The following EPG5 variants were observed in gnomAD, a reference collection of about 807,000 sequenced individuals.
EPG5 encodes ectopic P-granules 5 autophagy tethering factor, also known as ectopic P granules protein 5 homolog.
A neutral mutation model predicts 302.7 loss-of-function variants in EPG5; 159 were observed. The ratio of observed to expected loss-of-function variants is 0.53; its 90% CI spans 0.46 to 0.60. The LOEUF (loss-of-function observed/expected upper bound fraction) is 0.60. EPG5 is among the 20% of genes least tolerant of loss of function. The probability of loss-of-function intolerance (pLI) is 0.00; values close to 1 mark genes in which losing one functional copy is unlikely to be tolerated. For synonymous variants in EPG5, 1,158 were observed against 1,136.8 expected (o/e 1.02, Z -0.37); for missense variants, 2,896 against 3,092.4 (o/e 0.94, Z 1.51).
intron 24 of EPG5, among the ~76,000 whole-genome samples, chr18:45,906,523 C>T (rs2049755338): frequency 6.6e-6 from 1 of 152,140 alleles, no homozygotes; most frequent in South Asian, 2.1e-4. Context: ...TAACACCATG[C>T]CTTTCCTTTC....
intron 28 of EPG5, 57 bp downstream of exon 28, chr18:45,889,741 G>C: frequency 1.3e-6 from 2 of 1,494,270 alleles, no homozygotes; most frequent in Non-Finnish European, 1.8e-6. Context: ...TAGCATGTAT[G>C]ATTACTATTC....
At chr18:45,875,155 A>C (rs2048943949) in intron 35 of EPG5, among the ~76,000 whole-genome samples, 1 of 152,200 alleles carries the variant, frequency 6.6e-6, no homozygotes, top group Non-Finnish European at 1.5e-5. Flanking sequence ...TCCAATTGAC[A>C]ACAAATGTAG....
chr18:45,888,014 C>T, intron 28 of EPG5, 107 bp from the exon 29 acceptor site: 1 of 818,296 alleles, frequency 1.2e-6, no homozygotes, highest in Non-Finnish European at 1.8e-6. Flanking sequence ...TAAGAATCCT[C>T]AGAGCACCCA....
Position 45,855,620 on chromosome 18 carries a change from G to A in EPG5, c.7510C>T (p.Arg2504Cys), listed in dbSNP as rs921463655. Residue 2504 changes from arginine to cysteine, a missense_variant, in exon 43 of 44, where the codon CGT becomes TGT. Coordinates refer to ENST00000282041, the MANE Select transcript of EPG5 (RefSeq NM_020964.3). ...TGTAATTCAGAGCCAGGCCTCAAAC[G>A]GATCTGATCTTCCATAGGAACCTGA... ...SVQVPMEDQI[R>C]LRPGSELHLT... 15 of 1,614,034 alleles carry A rather than the reference G, an allele frequency of 9.3e-6. No homozygotes were observed. The highest frequency in any genetic ancestry group is 2.7e-5 in the African/African-American group (2 of 74,908).
chr18:45,856,893 T>C (rs1455874658), intron 42 of EPG5, among the ~76,000 whole-genome samples: 2 of 152,216 alleles, frequency 1.3e-5, no homozygotes, highest in Admixed American at 6.5e-5. Context: ...TCATTACTTA[T>C]CCTTCTTACC....
Position 45,954,916 on chromosome 18 carries a change from A to G in EPG5, c.486T>C (p.Tyr162=). The G allele has an allele frequency of 1.2e-6, 2 of 1,613,640 alleles. No homozygotes were observed. The highest frequency in any genetic ancestry group is 1.7e-6 in the Non-Finnish European group (2 of 1,179,826). Residue 162 remains tyrosine, a synonymous_variant, in exon 2 of 44, where the codon TAT becomes TAC. Coordinates refer to ENST00000282041, the MANE Select transcript of EPG5 (RefSeq NM_020964.3). ...SESAPQSNFS[Y]TQPAMENIQV... ...GTATATTTTCCATTGCTGGCTGAGT[A>G]TAAGAAAAATTAGATTGGGGTGCAC...
intron 24 of EPG5, among the ~76,000 whole-genome samples, chr18:45,906,574 A>C (rs907536579): frequency 6.6e-5 from 10 of 151,762 alleles, no homozygotes; most frequent in African/African-American, 2.4e-4. Flanking sequence ...GCTCAGCTCA[A>C]AGGTCACCAC....
In EPG5 at chr18:45,858,009, A is replaced by T. The variant is rs2048553005; in HGVS notation, c.7286T>A (p.Leu2429His). ...LWWHQVLQLSLIQTEQNDSVL... is the reference protein window; with the variant it reads ...LWWHQVLQLSHIQTEQNDSVL... ...GGAGTCATTCTGCTCTGTCTGAATG[A>T]GGGAGAGCTGAAGGACTTGGTGCCA... Residue 2429 changes from leucine to histidine, a missense_variant, in exon 42 of 44, where the codon CTC becomes CAC. Transcript: ENST00000282041. 1 of 1,613,930 alleles carries T rather than the reference A, an allele frequency of 6.2e-7. No homozygotes were observed. Among genetic ancestry groups the T allele is most frequent in the Non-Finnish European group, 8.5e-7 (1 of 1,180,020 alleles).
Position 45,948,509 on chromosome 18 carries a change from G to C in EPG5, c.1565C>G (p.Pro522Arg). ...AAAGCTCTTGCACACTTACTTGACA[G>C]GAGACATCAGCAGGGCAAGGGATTG... The part of the protein sequence containing the change: ...FMQSLALLMS[P>R]VKNRAEFMCH... The change falls in exon 6 of 44, where the codon CCT (proline) becomes CGT (arginine). Residue 522 changes from proline to arginine, a missense_variant. Transcript: ENST00000282041. 6.2e-7 allele frequency: 1 copy of C among 1,612,408 alleles called. No individual in the cohort carries two copies. Among genetic ancestry groups the C allele is most frequent in the Non-Finnish European group, 8.5e-7 (1 of 1,178,534 alleles).
intron 21 of EPG5, 27 bp from the exon 22 acceptor site, chr18:45,912,483 G>C: frequency 6.4e-7 from 1 of 1,574,698 alleles, no homozygotes; most frequent in Non-Finnish European, 8.6e-7. Flanking sequence ...GCTTTGAGTA[G>C]CCACAAAATG....
chr18:45,911,919 C>T (rs1475247178), intron 22 of EPG5, among the ~76,000 whole-genome samples: 1 of 152,108 alleles, frequency 6.6e-6, no homozygotes, highest in Non-Finnish European at 1.5e-5. Context: ...GGCCTTTGTT[C>T]ACACGCGCAC....
chr18:45,914,412 A>T (rs1384483333), intron 20 of EPG5, among the ~76,000 whole-genome samples: 1 of 152,236 alleles, frequency 6.6e-6, no homozygotes, highest in African/African-American at 2.4e-5. Context: ...AAGTAAGACA[A>T]ATAAGAGGTT....
rs1392502195 is a variant in EPG5 at position 45,934,841 on chromosome 18, A to C, written c.2225T>G (p.Leu742Arg). The C allele has an allele frequency of 6.2e-7, 1 of 1,614,048 alleles. No individual in the cohort carries two copies. Among genetic ancestry groups the C allele is most frequent in the Non-Finnish European group, 8.5e-7 (1 of 1,180,000 alleles). The change falls in exon 11 of 44, where the codon CTG becomes CGG. Residue 742 changes from leucine (L) to arginine (R), a missense_variant. Physicochemically the swap from Leu to Arg is moderately radical, Grantham distance 102 (BLOSUM62 -2). Around this residue, in one of 5 missense-constraint regions of EPG5, gnomAD observed 1,390 missense variants for 1,430.0 expected, o/e 0.97. Transcript: ENST00000282041. ...SENLQQLSSS[L>R]QPAQCKQQLQ... ...CTGCTGCTTGCACTGGGCGGGCTGCAGGGAGGAGGAGAGCTGCTGCAGGTT... is the reference window on the plus strand; with the variant it reads ...CTGCTGCTTGCACTGGGCGGGCTGCCGGGAGGAGGAGAGCTGCTGCAGGTT...
chr18:45,855,770 T>G (rs1441279338), intron 42 of EPG5, 83 bp from the exon 43 acceptor site: 1 of 874,714 alleles, frequency 1.1e-6, no homozygotes, highest in South Asian at 1.4e-5. Context: ...TTCTATGACA[T>G]AAAAAGATGA....
At chr18:45,818,168 T>C in the EPG5 span, among the ~76,000 whole-genome samples, 2 of 152,240 alleles carry the variant, frequency 1.3e-5, no homozygotes, top group African/African-American at 4.8e-5. Context: ...TATATGGGTA[T>C]TTAAATACTT....
intron 29 of EPG5, 151 bp from the exon 30 acceptor site, chr18:45,884,962 T>C (rs543094240): frequency 1.8e-6 from 1 of 546,744 alleles, no homozygotes; most frequent in Non-Finnish European, 3.1e-6. Flanking sequence ...AAAATCAACA[T>C]AGATAAGCCT....
At chr18:45,826,896 G>A in the EPG5 span, among the ~76,000 whole-genome samples, 2 of 152,136 alleles carry the variant, frequency 1.3e-5, no homozygotes, top group Non-Finnish European at 1.5e-5. Context: ...AAAACCCTAT[G>A]AGAAAGGAAC....
intron 16 of EPG5, among the ~76,000 whole-genome samples, chr18:45,920,456 C>T (rs1164978247): frequency 6.6e-6 from 1 of 152,138 alleles, no homozygotes; most frequent in Non-Finnish European, 1.5e-5. Context: ...TAAAGGAATA[C>T]CTGAGACTGG....
chr18:45,844,148 G>A (rs1311615897), downstream of EPG5: 1 of 152,096 alleles, frequency 6.6e-6, no homozygotes, highest in African/African-American at 2.4e-5. Context: ...ATTATGTTAA[G>A]GGAAATAAGT....
Sources: gnomAD v4.1 joint callset for allele counts (sites outside exome capture counted in the v4.1 genomes callset) on GRCh38, gnomAD v4.1.1 for gene constraint, gnomAD v4.1.1 regional missense constraint, MANE v1.5 for transcripts, NCBI Gene and HGNC (gene_info 2026-07-23, HGNC 2026-07-21) for gene names.